DNAAF9: variants seen among roughly 807,000 people sequenced by gnomAD.
DNAAF9 encodes shulin.
In DNAAF9, 90 loss-of-function variants were observed where a neutral mutation model predicts 167.0. The ratio of observed to expected loss-of-function variants is 0.54; its 90% CI spans 0.45 to 0.64. DNAAF9 has a LOEUF of 0.64. DNAAF9 is among the 30% of genes least tolerant of loss of function. The pLI is 0.00. For missense variants in DNAAF9, 1,315 were observed against 1,442.2 expected, an observed-to-expected ratio of 0.91 and a Z score of 1.43; for synonymous variants, 491 against 508.8, an observed-to-expected ratio of 0.96 and a Z score of 0.47.
intron 1 of DNAAF9, among the ~76,000 whole-genome samples, chr20:3,395,061 G>A (rs1191920893): frequency 1.4e-4 from 19 of 134,490 alleles, no homozygotes; most frequent in African/African-American, 2.9e-4. Flanking sequence ...TCCGCCTCCC[G>A]GGTTCACGCC....
chr20:3,328,181 C>CTGTTTTTTTTTTTTTTGTT (rs2069747400), intron 12 of DNAAF9, among the ~76,000 whole-genome samples: 14 of 102,782 alleles, frequency 1.4e-4, no homozygotes, highest in African/African-American at 2.7e-4. Context: ...CTGCATGGCT[C>CTGTTTTTTTTTTTTTTGTT]TGTTTTTTTT....
chr20:3,303,312 C>T (rs1293206488), intron 21 of DNAAF9, among the ~76,000 whole-genome samples: 1 of 150,738 alleles, frequency 6.6e-6, no homozygotes, highest in Non-Finnish European at 1.5e-5. Flanking sequence ...TGTATTGTTT[C>T]TAAGCTTCAG....
intron 7 of DNAAF9, among the ~76,000 whole-genome samples, chr20:3,352,135 T>G (rs2070337470): frequency 6.6e-6 from 1 of 152,116 alleles, no homozygotes; most frequent in African/African-American, 2.4e-5. Context: ...GAAAACAGAA[T>G]AAGAATCACT....
At chr20:3,374,240 T>C in intron 5 of DNAAF9, 86 bp from the exon 6 acceptor site, 1 of 834,792 alleles carries the variant, frequency 1.2e-6, no homozygotes. Context: ...TAGACAGGTA[T>C]CATTTCTCAC....
intron 30 of DNAAF9, among the ~76,000 whole-genome samples, chr20:3,265,850 G>T (rs1368721947): frequency 6.6e-6 from 1 of 151,342 alleles, no homozygotes; most frequent in Non-Finnish European, 1.5e-5. Context: ...GCTAATTTTT[G>T]TATTTTTTAA....
chr20:3,332,019 C>T (rs1378499798), intron 11 of DNAAF9, among the ~76,000 whole-genome samples: 1 of 152,180 alleles, frequency 6.6e-6, no homozygotes, highest in Non-Finnish European at 1.5e-5. Flanking sequence ...TCTTGGCCTC[C>T]CCTGTGACAC....
chr20:3,385,604 A>T (rs1298641027), intron 1 of DNAAF9, among the ~76,000 whole-genome samples: 1 of 152,082 alleles, frequency 6.6e-6, no homozygotes, highest in African/African-American at 2.4e-5. Flanking sequence ...TTGAAAAAAA[A>T]TTTTGGAGAG....
chr20:3,400,723 A>C (rs1197605918), intron 1 of DNAAF9, among the ~76,000 whole-genome samples: 1 of 152,198 alleles, frequency 6.6e-6, no homozygotes, highest in African/African-American at 2.4e-5. Context: ...CCCTCTCCAA[A>C]GGTCAGAACC....
intron 33 of DNAAF9, among the ~76,000 whole-genome samples, chr20:3,258,985 G>A (rs1213106365): frequency 1.3e-5 from 2 of 152,170 alleles, no homozygotes; most frequent in East Asian, 3.8e-4. Context: ...TGGTTTTGAG[G>A]CCTTCTCTGA....
chr20:3,332,339 T>C lies in DNAAF9; in HGVS notation c.1004A>G (p.Lys335Arg). 6.2e-7 allele frequency: 1 copy of C among 1,606,372 alleles called. No homozygotes were observed. The highest frequency in any genetic ancestry group is 8.5e-7 in the Non-Finnish European group (1 of 1,173,134). ...TGTTCTCGAACAAGCAAGAGGTCCC[T>C]TTGGTGAGACACACTGGGCTACCTG... is the stretch of plus-strand genomic sequence containing the variant. ...KHMVAQCVSP[K>R]GPLACSRTYF... Residue 335 changes from lysine to arginine, a missense_variant, in exon 11 of 37, where the codon AAG (lysine) becomes AGG (arginine). By Grantham distance (26) the Lys-to-Arg change is conservative. Transcript: ENST00000252032.
Position 3,272,059 on chromosome 20 carries a change from C to G in DNAAF9, c.2651-1497G>C, listed in dbSNP as rs539805989. 2.0e-5 allele frequency among the ~76,000 whole-genome samples: 3 copies of G among 152,200 alleles called. No homozygotes were observed. The East Asian group carries it at 5.8e-4, about 29-fold the overall frequency. On this transcript the variant is annotated intron_variant, in intron 29 of 36. Coordinates refer to ENST00000252032, the MANE Select transcript of DNAAF9 (RefSeq NM_001009984.3). ...CACTCCACCCAGCTCATCCCCGGCT[C>G]CCCTACTGTATGATTTTGAAGTCAA...
intron 23 of DNAAF9, 80 bp downstream of exon 23, chr20:3,296,781 C>A: frequency 1.1e-6 from 1 of 876,900 alleles, no homozygotes; most frequent in South Asian, 1.5e-5. Context: ...CCCTGTGTTA[C>A]ATAATGCGAG....
intron 1 of DNAAF9, among the ~76,000 whole-genome samples, chr20:3,402,933 G>T (rs899146130): frequency 6.6e-6 from 1 of 152,146 alleles, no homozygotes; most frequent in Admixed American, 6.5e-5. Flanking sequence ...TTCTTCGCAA[G>T]TCTTTTCAAT....
chr20:3,269,236 G>A (rs1478049444), intron 30 of DNAAF9, among the ~76,000 whole-genome samples: 4 of 146,952 alleles, frequency 2.7e-5, no homozygotes, highest in South Asian at 4.3e-4. Context: ...AATAGACAAA[G>A]TCTCACTACT....
intron 31 of DNAAF9, among the ~76,000 whole-genome samples, chr20:3,263,755 G>A (rs2068435783): frequency 6.6e-6 from 1 of 152,248 alleles, no homozygotes; most frequent in African/African-American, 2.4e-5. Context: ...CCAGCCACAG[G>A]AAGCTATGAA....
chr20:3,269,362 C>A (rs556968612), intron 30 of DNAAF9, among the ~76,000 whole-genome samples: 1 of 151,998 alleles, frequency 6.6e-6, no homozygotes, highest in African/African-American at 2.4e-5. Context: ...ACATGCACAA[C>A]CATGCTGGCT....
chr20:3,405,104 G>T (rs577344012), intron 1 of DNAAF9, among the ~76,000 whole-genome samples: 1 of 152,264 alleles, frequency 6.6e-6, no homozygotes, highest in South Asian at 2.1e-4. Context: ...AACTCTTAAG[G>T]CCATACCTAA....
chr20:3,362,006 T>C, intron 6 of DNAAF9: 1 of 1,519,176 alleles, frequency 6.6e-7, no homozygotes, highest in Admixed American at 1.7e-5. Flanking sequence ...TTGCTAGCAC[T>C]GGTATGGCTC....
At chr20:3,317,538 A>G (rs2069526317) in intron 17 of DNAAF9, among the ~76,000 whole-genome samples, 1 of 152,146 alleles carries the variant, frequency 6.6e-6, no homozygotes, top group South Asian at 2.1e-4. Flanking sequence ...TTAGAATATA[A>G]TAAATCTTTA....
Sources: gnomAD v4.1 joint callset for allele counts (sites outside exome capture counted in the v4.1 genomes callset) on GRCh38, gnomAD v4.1.1 for gene constraint, MANE v1.5 for transcripts, NCBI Gene and HGNC (gene_info 2026-07-23, HGNC 2026-07-21) for gene names.